Variants in CA12 observed in about 807,000 individuals in gnomAD.
CA12 encodes carbonate dehydratase XII.
In CA12, 36 loss-of-function variants were observed where a neutral mutation model predicts 46.8. The ratio of observed to expected loss-of-function variants is 0.77; its 90% CI spans 0.59 to 1.02. The LOEUF (loss-of-function observed/expected upper bound fraction) is 1.02, where lower values mean the gene tolerates loss of function less well. Ranked by LOEUF, CA12 falls within the 50% of genes least tolerant of loss-of-function variation. The probability of loss-of-function intolerance (pLI) is 0.00; values close to 1 mark genes in which losing one functional copy is unlikely to be tolerated. For missense variants in CA12, 436 were observed against 451.4 expected (o/e 0.97, Z 0.31); for synonymous variants, 202 against 187.0 (o/e 1.08, Z -0.65).
intron 1 of CA12, among the ~76,000 whole-genome samples, chr15:63,381,053 C>T (rs1163638033): frequency 4.0e-5 from 6 of 151,814 alleles, no homozygotes; most frequent in East Asian, 1.9e-4. Context: ...TGTGTGCGTG[C>T]GCGCGTGCGT....
intron 8 of CA12, among the ~76,000 whole-genome samples, chr15:63,334,242 C>CT (rs71131163): frequency 0.011 from 714 of 64,920 alleles, 95 homozygotes; most frequent in African/African-American, 0.013. Context: ...GGAAGAGGCA[C>CT]TTTTTTTTTT....
rs551189196 is a variant in CA12, at chr15:63,348,439, G to T, written c.107-1730C>A. Among the ~76,000 whole-genome samples, 1 of 152,146 alleles carries T rather than the reference G, an allele frequency of 6.6e-6. No homozygotes were observed. The highest frequency in any genetic ancestry group is 2.4e-5 in the African/African-American group (1 of 41,418). On this transcript the variant is annotated intron_variant, in intron 2 of 10. Coordinates refer to ENST00000178638, the MANE Select transcript of CA12 (RefSeq NM_001218.5). This position sits in a 1 kb window ranked among gnomAD's most constrained non-coding sequence, Gnocchi z 4.6. ...CCAAACCGAATGCTTTAGGGGCAGCGGGGAGCAGAATGAAGCAACCGTGAG... is the reference window on the plus strand; with the variant it reads ...CCAAACCGAATGCTTTAGGGGCAGCTGGGAGCAGAATGAAGCAACCGTGAG...
At position 63,328,238 on chromosome 15, in the gene CA12, A is replaced by C; in HGVS notation, c.875-108T>G. 3 of 976,802 alleles carry C rather than the reference A, an allele frequency of 3.1e-6. No homozygotes were observed. The highest frequency in any genetic ancestry group is 4.9e-6 in the Non-Finnish European group (3 of 614,768). 60.5% of individuals were successfully genotyped at this position (976,802 alleles called of 1,614,324 possible). ...CATTTGTTTGGTCTTAGGCTGACAG[A>C]CCTCTAGGGATGTCCACCCTTGGCT... On this transcript the variant is annotated intron_variant, in intron 8 of 10. Transcript: ENST00000178638. The surrounding 1 kb of genome is among the most constrained non-coding windows in gnomAD (Gnocchi z 5.9).
chr15:63,380,553 C>T (rs181455461), intron 1 of CA12, among the ~76,000 whole-genome samples: 2 of 152,272 alleles, frequency 1.3e-5, no homozygotes, highest in East Asian at 1.9e-4. Flanking sequence ...ACTTTTACAT[C>T]GCTCCTTTCT....
intron 8 of CA12, among the ~76,000 whole-genome samples, chr15:63,338,032 G>A (rs2039025207): frequency 6.6e-6 from 1 of 152,172 alleles, no homozygotes; most frequent in South Asian, 2.1e-4. Flanking sequence ...AGAGGGGTGT[G>A]GGCCCCAAAA....
chr15:63,338,986 T>C (rs570544342), intron 7 of CA12, 41 bp from the exon 8 acceptor site: 4 of 1,613,094 alleles, frequency 2.5e-6, no homozygotes, highest in African/African-American at 1.3e-5. Flanking sequence ...CAGAATGACC[T>C]CCTCACCTGA....
intron 1 of CA12, among the ~76,000 whole-genome samples, chr15:63,380,231 T>C (rs998067202): frequency 2.0e-5 from 3 of 151,566 alleles, no homozygotes; most frequent in Admixed American, 6.6e-5. Flanking sequence ...CAGTCCCAAC[T>C]TGGAGAATTG....
chr15:63,349,592 G>A (rs181856804), intron 2 of CA12, among the ~76,000 whole-genome samples: 6 of 152,238 alleles, frequency 3.9e-5, no homozygotes, highest in Admixed American at 2.0e-4. Context: ...ATAACCTTAC[G>A]GGGTAAGCAA....
rs1170383795 is a variant in CA12, at chr15:63,327,129, T to G, written c.992+20A>C. The G allele has an allele frequency of 1.2e-6, 2 of 1,608,026 alleles. No homozygotes were observed. The highest frequency in any genetic ancestry group is 1.7e-6 in the Non-Finnish European group (2 of 1,174,678). ...GGACACATAGCTGTCCATTCCCATT[T>G]TGGACCCAAACCAGCTCACCTCTTC... On this transcript the variant is annotated intron_variant, in intron 10 of 10. Transcript: ENST00000178638. The surrounding 1 kb of genome is among the most constrained non-coding windows in gnomAD (Gnocchi z 4.5).
intron 2 of CA12, among the ~76,000 whole-genome samples, chr15:63,356,350 G>A (rs1284549556): frequency 3.3e-5 from 5 of 152,108 alleles, no homozygotes; most frequent in African/African-American, 9.7e-5. Flanking sequence ...CTGAGACTGC[G>A]CCACTGCACT....
In CA12 at chr15:63,340,367, C is replaced by A; in HGVS notation, c.668G>T (p.Gly223Val). 6.2e-7 allele frequency: 1 copy of A among 1,614,108 alleles called. No homozygotes were observed. Among genetic ancestry groups the A allele is most frequent in the Non-Finnish European group, 8.5e-7 (1 of 1,180,022 alleles). The change falls in exon 7 of 11, where the codon GGG becomes GTG. Residue 223 changes from glycine (G) to valine (V), a missense_variant. Coordinates refer to ENST00000178638, the MANE Select transcript of CA12 (RefSeq NM_001218.5). This position sits in a 1 kb window ranked among gnomAD's most constrained non-coding sequence, Gnocchi z 4.4. ...GTTGCAAGGGGGTGTGGTCAGGGAC[C>A]CCCGGTAGCGGTAATATTCAGCGGT... The part of the protein sequence containing the change: ...ERTAEYYRYR[G>V]SLTTPPCNPT...
Position 63,334,732 on chromosome 15 carries a change from A to G in CA12, c.874+4087T>C, listed in dbSNP as rs1007573136. On this transcript the variant is annotated intron_variant, in intron 8 of 10. Transcript: ENST00000178638. ...GGGATCCTGAAGAAGTTGCTACTTC[A>G]GAGGCATCTGCACCCCTGATAAAGG... Among the ~76,000 whole-genome samples the G allele has an allele frequency of 5.3e-5, 8 of 152,360 alleles. No homozygotes were observed. In the South Asian group the frequency reaches 1.7e-3, roughly 32 times the overall value.
chr15:63,332,433 C>A (rs2038948446), intron 8 of CA12, among the ~76,000 whole-genome samples: 1 of 152,220 alleles, frequency 6.6e-6, no homozygotes. Flanking sequence ...AGGAATGCAG[C>A]CCCTGCAGAC....
rs530332092 is a variant in CA12 at position 63,374,216 on chromosome 15, G to C, written c.106+1442C>G. Among the ~76,000 whole-genome samples the C allele has an allele frequency of 1.3e-4, 20 of 152,124 alleles. No individual in the cohort carries two copies. The highest frequency in any genetic ancestry group is 4.8e-4 in the African/African-American group (20 of 41,490). On this transcript the variant is annotated intron_variant, in intron 2 of 10. Transcript: ENST00000178638. The surrounding 1 kb of genome is among the most constrained non-coding windows in gnomAD (Gnocchi z 4.4). ...CTCTGACCTTAGAGCCCGTGACTCC[G>C]CTATCAACCCTTCTCCACATGCTTT...
chr15:63,371,817 G>C lies in CA12; in HGVS notation c.106+3841C>G, dbSNP rs554859790. On this transcript the variant is annotated intron_variant, in intron 2 of 10. Coordinates refer to ENST00000178638, the MANE Select transcript of CA12 (RefSeq NM_001218.5). Reference sequence around the variant, plus strand: ...TACAGTCATTCTTTCTGGTTGCTCTGTTGTTTTGAACACACTAGGGTTTTT... The same window carrying C: ...TACAGTCATTCTTTCTGGTTGCTCTCTTGTTTTGAACACACTAGGGTTTTT... Among the ~76,000 whole-genome samples the C allele has an allele frequency of 8.1e-5, 12 of 148,694 alleles. No homozygotes were observed. In the South Asian group the frequency reaches 1.1e-3, roughly 14 times the overall value.
rs151305750 is a variant in CA12, at chr15:63,364,870, C to T, written c.106+10788G>A. Among the ~76,000 whole-genome samples the T allele has an allele frequency of 6.4e-3, 970 of 152,374 alleles. 15 individuals carry two copies. Among genetic ancestry groups the T allele is most frequent in the African/African-American group, 0.022 (908 of 41,586 alleles). ...AAGATTGTTCCTGGAGGAACTCCTGCACCTCTTTCAGCCCTGTGCTGCTGA... is the reference window on the plus strand; with the variant it reads ...AAGATTGTTCCTGGAGGAACTCCTGTACCTCTTTCAGCCCTGTGCTGCTGA... On this transcript the variant is annotated intron_variant, in intron 2 of 10. Coordinates refer to ENST00000178638, the MANE Select transcript of CA12 (RefSeq NM_001218.5).
Position 63,323,977 on chromosome 15 carries a change from A to G in CA12, c.*2308T>C, listed in dbSNP as rs2038831073. The G allele has an allele frequency of 2.0e-5, 3 of 152,268 alleles. No individual in the cohort carries two copies. Among genetic ancestry groups the G allele is most frequent in the African/African-American group, 7.2e-5 (3 of 41,438 alleles). 9.4% of individuals were successfully genotyped at this position (152,268 alleles called of 1,614,324 possible). On this transcript the variant is annotated 3_prime_UTR_variant, in exon 11 of 11. Coordinates refer to ENST00000178638, the MANE Select transcript of CA12 (RefSeq NM_001218.5). This position sits in a 1 kb window ranked among gnomAD's most constrained non-coding sequence, Gnocchi z 5.1. ...TAGGCATCTGCCATGCAGCAGAGTTAGGAGCGTGTGGGCGGCTGCTGAGAC... is the reference window on the plus strand; with the variant it reads ...TAGGCATCTGCCATGCAGCAGAGTTGGGAGCGTGTGGGCGGCTGCTGAGAC...
At chr15:63,333,341 C>T (rs1421668242) in intron 8 of CA12, among the ~76,000 whole-genome samples, 3 of 152,242 alleles carry the variant, frequency 2.0e-5, no homozygotes, top group Non-Finnish European at 2.9e-5. Context: ...CCCTGTGCCA[C>T]GGGCTGTGTT....
intron 2 of CA12, chr15:63,375,366 A>G (rs2152627683): frequency 2.9e-6 from 1 of 340,512 alleles, no homozygotes; most frequent in Non-Finnish European, 5.4e-6. Context: ...GGGGCAAGTT[A>G]CCTCCAAATC....
Sources: allele counts gnomAD v4.1 joint callset (sites outside exome capture counted in the v4.1 genomes callset), GRCh38; gene constraint gnomAD v4.1.1; non-coding constraint Gnocchi (gnomAD v3.1); transcripts MANE v1.5; gene names NCBI Gene and HGNC (gene_info 2026-07-23, HGNC 2026-07-21).